The following CYP2C19 variants were observed in gnomAD, a reference collection of about 807,000 sequenced individuals.
The protein encoded by CYP2C19 is cytochrome P450 2C19.
A neutral mutation model predicts 40.9 loss-of-function variants in CYP2C19; 59 were observed. The ratio of observed to expected loss-of-function variants is 1.44; its 90% CI spans 1.17 to 1.79. The LOEUF (loss-of-function observed/expected upper bound fraction) is 1.79, where lower values mean the gene tolerates loss of function less well. Ranked by LOEUF, CYP2C19 falls within the 40% of genes most tolerant of loss-of-function variation. CYP2C19 has a pLI of 0.00. For synonymous variants in CYP2C19, 253 were observed against 208.7 expected (o/e 1.21, Z -1.83); for missense variants, 754 against 596.9 (o/e 1.26, Z -2.74).
chr10:94,799,235 A>G (rs1333944842), intron 5 of CYP2C19, among the ~76,000 whole-genome samples: 1 of 152,078 alleles, frequency 6.6e-6, no homozygotes, highest in African/African-American at 2.4e-5. Flanking sequence ...TTGTCTATAA[A>G]GGATTTTATT....
chr10:94,781,049 A>G (rs941865370), intron 4 of CYP2C19, among the ~76,000 whole-genome samples: 4 of 152,182 alleles, frequency 2.6e-5, no homozygotes, highest in African/African-American at 9.6e-5. Context: ...TGTGTGACAG[A>G]AATATCCTAA....
At position 94,849,957 on chromosome 10, in the gene CYP2C19, A is replaced by G. The variant is rs555844891; in HGVS notation, c.1190A>G (p.Asp397Gly). ...ACTTCCCTCACTTCTGTGCTACATG[A>G]CAACAAAGAATTTCCCAACCCAGAG... The part of the protein sequence containing the change: ...ILTSLTSVLH[D>G]NKEFPNPEMF... Residue 397 changes from aspartate (D) to glycine (G), a missense_variant, in exon 8 of 9, where the codon GAC (aspartate) becomes GGC (glycine). Transcript: ENST00000371321. 13 of 1,613,634 alleles carry G rather than the reference A, an allele frequency of 8.1e-6. No individual in the cohort carries two copies. The highest frequency in any genetic ancestry group is 1.1e-5 in the Non-Finnish European group (13 of 1,179,790).
intron 4 of CYP2C19, 69 bp downstream of exon 4, chr10:94,780,728 A>G (rs1848468806): frequency 6.5e-7 from 1 of 1,547,292 alleles, no homozygotes; most frequent in Admixed American, 1.7e-5. Context: ...CCAAAATTCT[A>G]TATTGACCAA....
intron 5 of CYP2C19, among the ~76,000 whole-genome samples, chr10:94,808,460 T>A (rs1047016257): frequency 6.6e-6 from 1 of 152,208 alleles, no homozygotes; most frequent in Non-Finnish European, 1.5e-5. Context: ...TTAAGTTATT[T>A]AAAAATGTAT....
intron 5 of CYP2C19, among the ~76,000 whole-genome samples, chr10:94,804,899 G>A (rs1848813176): frequency 6.6e-6 from 1 of 152,120 alleles, no homozygotes; most frequent in South Asian, 2.1e-4. Flanking sequence ...CTTTAGCAAT[G>A]TTTAATAGTT....
intron 1 of CYP2C19, among the ~76,000 whole-genome samples, chr10:94,768,663 A>T (rs1039137599): frequency 1.5e-4 from 23 of 152,152 alleles, no homozygotes; most frequent in Non-Finnish European, 3.4e-4. Context: ...CTCTGACACT[A>T]AGACAGCCAT....
chr10:94,817,378 T>C (rs1450217147), intron 5 of CYP2C19, among the ~76,000 whole-genome samples: 1 of 148,318 alleles, frequency 6.7e-6, no homozygotes, highest in Non-Finnish European at 1.5e-5. Context: ...AAATGTCTTC[T>C]TTTGAGAAGT....
intron 5 of CYP2C19, among the ~76,000 whole-genome samples, chr10:94,789,805 G>A (rs1589353275): frequency 6.6e-6 from 1 of 151,976 alleles, no homozygotes; most frequent in African/African-American, 2.4e-5. Flanking sequence ...TCTTTTTGCT[G>A]AGGATTGTCT....
intron 8 of CYP2C19, among the ~76,000 whole-genome samples, chr10:94,850,807 G>T (rs1007304698): frequency 6.6e-6 from 1 of 152,158 alleles, no homozygotes; most frequent in African/African-American, 2.4e-5. Context: ...AATAACCATG[G>T]ATGGGATCAG....
In CYP2C19 at chr10:94,835,513, T is replaced by A. The variant is rs544449017; in HGVS notation, c.962-7324T>A. 3.1e-3 allele frequency among the ~76,000 whole-genome samples: 469 copies of A among 152,278 alleles called. 2 individuals are homozygous for A. The highest frequency in any genetic ancestry group is 0.011 in the African/African-American group (447 of 41,544). The stretch of plus-strand genomic sequence containing the variant: ...CATACTAGGGGTCCTTCTATAAGCA[T>A]TTCTAATGGAGGGTTCTGCCTTGCA... On this transcript the variant is annotated intron_variant, in intron 6 of 8. Coordinates refer to ENST00000371321, the MANE Select transcript of CYP2C19 (RefSeq NM_000769.4).
At position 94,824,017 on chromosome 10, in the gene CYP2C19, T is replaced by TA. The variant is rs542662968; in HGVS notation, c.961+3385dup. 3.1e-3 allele frequency among the ~76,000 whole-genome samples: 474 copies of TA among 152,246 alleles called. 3 individuals carry two copies. The highest frequency in any genetic ancestry group is 0.011 in the African/African-American group (451 of 41,546). On this transcript the variant is annotated intron_variant, in intron 6 of 8. Transcript: ENST00000371321. ...AGATTTTATGAGAGTTTCCAATAAC[T>TA]AAAAAGGAGTTTCAAACATCTGCCT...
intron 1 of CYP2C19, among the ~76,000 whole-genome samples, chr10:94,770,406 C>A (rs971706789): frequency 1.3e-5 from 2 of 152,144 alleles, no homozygotes; most frequent in Non-Finnish European, 2.9e-5. Context: ...CTGCTATTTT[C>A]TGTCCTCTCT....
rs1849712181 is a variant in CYP2C19, at chr10:94,855,091, G to A, written c.*2177G>A. Among the ~76,000 whole-genome samples the A allele has an allele frequency of 6.6e-6, 1 of 152,042 alleles. No individual in the cohort carries two copies. Among genetic ancestry groups the A allele is most frequent in the African/African-American group, 2.4e-5 (1 of 41,384 alleles). ...TCCTAAAGGCTGCCTGCATTCCTTG[G>A]CTCATGAACTCCTTTTTCTTTCACT... On this transcript the variant is annotated 3_prime_UTR_variant, in exon 9 of 9. Coordinates refer to ENST00000371321, the MANE Select transcript of CYP2C19 (RefSeq NM_000769.4).
intron 4 of CYP2C19, among the ~76,000 whole-genome samples, chr10:94,781,111 G>T (rs189521020): frequency 7.4e-4 from 113 of 152,286 alleles, no homozygotes; most frequent in African/African-American, 2.6e-3. Context: ...AACCACAGAA[G>T]CTGCCAAGAA....
chr10:94,795,879 T>C (rs1463234549), intron 5 of CYP2C19, among the ~76,000 whole-genome samples: 1 of 152,182 alleles, frequency 6.6e-6, no homozygotes, highest in Non-Finnish European at 1.5e-5. Flanking sequence ...TTTGATTTCT[T>C]TGTAGATTCT....
chr10:94,768,489 G>T (rs190617110), intron 1 of CYP2C19, among the ~76,000 whole-genome samples: 8 of 152,240 alleles, frequency 5.3e-5, no homozygotes, highest in African/African-American at 1.9e-4. Flanking sequence ...AGGGTTGGGG[G>T]CTATGCCTGT....
chr10:94,807,689 T>C (rs1848853986), intron 5 of CYP2C19, among the ~76,000 whole-genome samples: 1 of 152,176 alleles, frequency 6.6e-6, no homozygotes. Context: ...ATGTCTCTTT[T>C]GGGAGACGCC....
chr10:94,776,917 C>T (rs1386261811), intron 3 of CYP2C19, among the ~76,000 whole-genome samples: 3 of 152,200 alleles, frequency 2.0e-5, no homozygotes, highest in Non-Finnish European at 2.9e-5. Context: ...GTCTCATCCC[C>T]AAAACTGTTC....
intron 5 of CYP2C19, among the ~76,000 whole-genome samples, chr10:94,804,670 C>G (rs1490667135): frequency 6.6e-6 from 1 of 152,130 alleles, no homozygotes; most frequent in Non-Finnish European, 1.5e-5. Flanking sequence ...TTTCACATAA[C>G]GGGTCTGTAC....
Sources: allele counts gnomAD v4.1 joint callset (sites outside exome capture counted in the v4.1 genomes callset), GRCh38; gene constraint gnomAD v4.1.1; transcripts MANE v1.5; gene names NCBI Gene and HGNC (gene_info 2026-07-23, HGNC 2026-07-21).